Variants in SLC5A6 observed in about 807,000 individuals in gnomAD.
SLC5A6 encodes the protein solute carrier family 5 member 6.
SLC5A6 carries 31 observed loss-of-function variants against 67.9 expected under a neutral mutation model. The observed-to-expected ratio is 0.46, with a 90% CI of 0.34 to 0.62. SLC5A6 has a LOEUF of 0.62. Among genes scored for constraint, SLC5A6 ranks in the 20% least tolerant of loss-of-function variants. The probability of loss-of-function intolerance (pLI) is 0.01; values close to 1 mark genes in which losing one functional copy is unlikely to be tolerated. For synonymous variants in SLC5A6, 343 were observed against 331.0 expected (o/e 1.04, Z -0.39); for missense variants, 673 against 812.8 (o/e 0.83, Z 2.09).
chr2:27,206,735 G>A (rs1286169607), intron 4 of SLC5A6, 142 bp downstream of exon 4: 3 of 874,552 alleles, frequency 3.4e-6, no homozygotes, highest in Non-Finnish European at 5.8e-6. Context: ...GGATGCCTCT[G>A]GGGTCCTCAC....
chr2:27,211,768 G>C (rs776685041), intron 1 of SLC5A6: 1 of 174,982 alleles, frequency 5.7e-6, no homozygotes, highest in South Asian at 1.4e-4. Flanking sequence ...CCACCTTACC[G>C]CTCGCACTTA....
Position 27,200,461 on chromosome 2 carries a change from C to T in SLC5A6, c.1883G>A (p.Cys628Tyr). 1 of 1,613,088 alleles carries T rather than the reference C, an allele frequency of 6.2e-7. No individual in the cohort carries two copies. Among genetic ancestry groups the T allele is most frequent in the Non-Finnish European group, 8.5e-7 (1 of 1,179,450 alleles). The part of the protein sequence containing the change: ...GTAYQGSSST[C>Y]ILQETSL Reference sequence around the variant, plus strand: ...TCACAGGGAGGTCTCCTGGAGGATGCAGGTGGAGCTGCTCCCCTGATAGGC... The same window carrying T: ...TCACAGGGAGGTCTCCTGGAGGATGTAGGTGGAGCTGCTCCCCTGATAGGC... Residue 628 changes from cysteine to tyrosine, a missense_variant, in exon 17 of 17, where the codon TGC becomes TAC. Physicochemically the swap from Cys to Tyr is radical, Grantham distance 194. Transcript: ENST00000310574.
chr2:27,207,143 C>A lies in SLC5A6; in HGVS notation c.393+115G>T. On this transcript the variant is annotated intron_variant, in intron 3 of 16. Coordinates refer to ENST00000310574, the MANE Select transcript of SLC5A6 (RefSeq NM_021095.4). This position sits in a 1 kb window ranked among gnomAD's most constrained non-coding sequence, Gnocchi z 5.5. Reference sequence around the variant, plus strand: ...GAATTATAAACACACAATGAGTTTTCTGTCCCTCTCATTAGGTGGAGGAGG... The same window carrying A: ...GAATTATAAACACACAATGAGTTTTATGTCCCTCTCATTAGGTGGAGGAGG... 8.5e-7 allele frequency: 1 copy of A among 1,174,902 alleles called. No homozygotes were observed. The highest frequency in any genetic ancestry group is 2.0e-4 in the Middle Eastern group (1 of 4,930). 72.8% of individuals were successfully genotyped at this position (1,174,902 alleles called of 1,614,324 possible). A position where few individuals can be genotyped will look rare whatever the true frequency, so the allele number is the denominator to read the frequency against.
upstream of SLC5A6, chr2:27,212,532 C>A: frequency 6.6e-7 from 1 of 1,505,842 alleles, no homozygotes; most frequent in South Asian, 1.3e-5. Context: ...TCGCGCTCGC[C>A]AGCGGCTCCC....
rs1673474643 is a variant in SLC5A6, at chr2:27,199,695, G to A, written c.*741C>T. 1 of 152,626 alleles carries A rather than the reference G, an allele frequency of 6.6e-6. No homozygotes were observed. Among genetic ancestry groups the A allele is most frequent in the Non-Finnish European group, 1.5e-5 (1 of 68,082 alleles). 9.5% of individuals were successfully genotyped at this position (152,626 alleles called of 1,614,324 possible). A position where few individuals can be genotyped will look rare whatever the true frequency, so the allele number is the denominator to read the frequency against. On this transcript the variant is annotated 3_prime_UTR_variant, in exon 17 of 17. Transcript: ENST00000310574. ...ACAGAAATGACACCACGGCAGCCTG[G>A]CTCAGGAGTCAGGTAGATAGATGGC...
Position 27,206,011 on chromosome 2 carries a change from G to A in SLC5A6, c.579+15C>T, listed in dbSNP as rs530768218. On this transcript the variant is annotated intron_variant, in intron 6 of 16. Transcript: ENST00000310574. ...CATCCCTTCCCCTCCCCACACCACG[G>A]CTTACTGCACTTACCAGAGCTGTAT... is the stretch of plus-strand genomic sequence containing the variant. 1.4e-5 allele frequency: 23 copies of A among 1,600,734 alleles called. No individual in the cohort carries two copies. Among genetic ancestry groups the A allele is most frequent in the Non-Finnish European group, 1.8e-5 (21 of 1,168,468 alleles).
chr2:27,204,860 G>A lies in SLC5A6; in HGVS notation c.806C>T (p.Ser269Phe). The A allele has an allele frequency of 6.2e-7, 1 of 1,614,118 alleles. No homozygotes were observed. The change falls in exon 8 of 17, where the codon TCC (serine) becomes TTC (phenylalanine). Residue 269 changes from serine (S) to phenylalanine (F), a missense_variant. Ser to Phe is a radical substitution (Grantham distance 155, BLOSUM62 -2). Transcript: ENST00000310574. ...CTGAGCCTGGTTCACCCCGTATAAG[G>A]AGAGCATCATGAAGACACCCCCGAA... ...LAFGGVFMML[S>F]LYGVNQAQVQ...
chr2:27,203,371 G>A, intron 10 of SLC5A6, 26 bp from the exon 11 acceptor site: 1 of 1,609,498 alleles, frequency 6.2e-7, no homozygotes, highest in Non-Finnish European at 8.5e-7. Context: ...AGGATGAGGA[G>A]TTGAGCGAGG....
chr2:27,205,918 T>C, intron 6 of SLC5A6, 108 bp downstream of exon 6: 1 of 826,936 alleles, frequency 1.2e-6, no homozygotes, highest in South Asian at 1.6e-5. Flanking sequence ...GAATTTCACC[T>C]ATTCTCCTCA....
At position 27,205,460 on chromosome 2, in the gene SLC5A6, C is replaced by G; in HGVS notation, c.624G>C (p.Leu208=). The G allele has an allele frequency of 6.2e-7, 1 of 1,614,190 alleles. No homozygotes were observed. Among genetic ancestry groups the G allele is most frequent in the Non-Finnish European group, 8.5e-7 (1 of 1,180,002 alleles). Residue 208 remains leucine (L), a synonymous_variant, in exon 7 of 17, where the codon CTG becomes CTC. Coordinates refer to ENST00000310574, the MANE Select transcript of SLC5A6 (RefSeq NM_021095.4). ...AVIWTDVFQT[L]VMFLGQLAVI... is the part of the protein sequence containing the mutation. ...CTGCCAGCTGCCCGAGGAACATGAC[C>G]AGTGTCTGGAACACATCTGTCCAGA...
chr2:27,202,149 C>T, intron 12 of SLC5A6, 75 bp from the exon 13 acceptor site: 2 of 1,042,036 alleles, frequency 1.9e-6, no homozygotes, highest in Non-Finnish European at 3.0e-6. Flanking sequence ...TAAAGCATAG[C>T]CACCAGCCAT....
At position 27,207,589 on chromosome 2, in the gene SLC5A6, A is replaced by G; in HGVS notation, c.62T>C (p.Met21Thr). The G allele has an allele frequency of 6.2e-7, 1 of 1,614,238 alleles. No individual in the cohort carries two copies. Among genetic ancestry groups the G allele is most frequent in the Non-Finnish European group, 8.5e-7 (1 of 1,180,030 alleles). ...ATAGTCCATGATGGAGAAGGTAGAC[A>G]TGCCCACGCTTGTGCCCGAGGTTGG... ...LSPTSGTSVG[M>T]STFSIMDYVV... Residue 21 changes from methionine to threonine, a missense_variant, in exon 3 of 17, where the codon ATG (methionine) becomes ACG (threonine). By Grantham distance (81) the Met-to-Thr change is moderately conservative. Transcript: ENST00000310574. The surrounding 1 kb of genome is among the most constrained non-coding windows in gnomAD (Gnocchi z 5.5).
intron 4 of SLC5A6, 32 bp from the exon 5 acceptor site, chr2:27,206,566 C>T (rs779588092): frequency 7.5e-6 from 12 of 1,602,962 alleles, no homozygotes; most frequent in African/African-American, 4.0e-5. Context: ...TGATGGGGGC[C>T]GGAGAATGGT....
At position 27,207,198 on chromosome 2, in the gene SLC5A6, T is replaced by C; in HGVS notation, c.393+60A>G. The C allele has an allele frequency of 1.3e-6, 2 of 1,571,012 alleles. No individual in the cohort carries two copies. Among genetic ancestry groups the C allele is most frequent in the Non-Finnish European group, 1.7e-6 (2 of 1,150,964 alleles). On this transcript the variant is annotated intron_variant, in intron 3 of 16. Transcript: ENST00000310574. The surrounding 1 kb of genome is among the most constrained non-coding windows in gnomAD (Gnocchi z 5.5). Reference sequence around the variant, plus strand: ...GGGTCCCAGGTCCTTCCTATGTGCCTGTCCCTCCTCTCCACCCCAACCCGT... The same window carrying C: ...GGGTCCCAGGTCCTTCCTATGTGCCCGTCCCTCCTCTCCACCCCAACCCGT...
chr2:27,201,911 GCT>G, intron 13 of SLC5A6, 64 bp from the exon 14 acceptor site: 2 of 1,608,808 alleles, frequency 1.2e-6, no homozygotes, highest in Non-Finnish European at 8.5e-7. Flanking sequence ...GCAGTCCTCA[GCT>G]CTCCTGGTGA....
chr2:27,202,368 G>A (rs1195759853), intron 12 of SLC5A6, among the ~76,000 whole-genome samples: 1 of 152,002 alleles, frequency 6.6e-6, no homozygotes, highest in African/African-American at 2.4e-5. Flanking sequence ...CAGACACGGT[G>A]GCACATGCCT....
At position 27,203,969 on chromosome 2, in the gene SLC5A6, G is replaced by A. The variant is rs974704772; in HGVS notation, c.1006-102C>T. 2.0e-5 allele frequency: 16 copies of A among 802,060 alleles called. 1 individual carries two copies. The highest frequency in any genetic ancestry group is 1.1e-4 in the East Asian group (4 of 37,402). 49.7% of individuals were successfully genotyped at this position (802,060 alleles called of 1,614,324 possible). A position where few individuals can be genotyped will look rare whatever the true frequency, so the allele number is the denominator to read the frequency against. Reference sequence around the variant, plus strand: ...TTACATGTGCCCCAGCGAGTCTACCGAGACTGGGTGCATTACAAGGGAAGC... The same window carrying A: ...TTACATGTGCCCCAGCGAGTCTACCAAGACTGGGTGCATTACAAGGGAAGC... On this transcript the variant is annotated intron_variant, in intron 9 of 16. Transcript: ENST00000310574.
intron 2 of SLC5A6, among the ~76,000 whole-genome samples, chr2:27,209,923 T>C (rs1366650348): frequency 1.3e-5 from 2 of 152,222 alleles, no homozygotes. Flanking sequence ...AAACATGCCC[T>C]GGGCCTTTGC....
rs1319077744 is a variant in SLC5A6, at chr2:27,205,456, T to C, written c.628A>G (p.Met210Val). The C allele has an allele frequency of 6.2e-7, 1 of 1,614,148 alleles. No individual in the cohort carries two copies. The highest frequency in any genetic ancestry group is 1.7e-5 in the Admixed American group (1 of 60,026). The change falls in exon 7 of 17, where the codon ATG (methionine) becomes GTG (valine). Residue 210 changes from methionine to valine, a missense_variant. Transcript: ENST00000310574. ...IWTDVFQTLV[M>V]FLGQLAVIIV... ...ATAACTGCCAGCTGCCCGAGGAACA[T>C]GACCAGTGTCTGGAACACATCTGTC...
Sources: gnomAD v4.1 joint callset for allele counts (sites outside exome capture counted in the v4.1 genomes callset) on GRCh38, gnomAD v4.1.1 for gene constraint, Gnocchi (gnomAD v3.1) non-coding constraint, MANE v1.5 for transcripts, NCBI Gene and HGNC (gene_info 2026-07-23, HGNC 2026-07-21) for gene names.